Variants in TMEM40 observed in about 807,000 individuals in gnomAD.
TMEM40 encodes the protein transmembrane protein 40.
Under a neutral mutation model 40.8 loss-of-function variants are expected in TMEM40, and 34 were observed. The observed-to-expected ratio is 0.83, with a 90% CI of 0.63 to 1.11. The LOEUF (loss-of-function observed/expected upper bound fraction) is 1.11, where lower values mean the gene tolerates loss of function less well. Ranked by LOEUF, TMEM40 falls within the 50% of genes least tolerant of loss-of-function variation. The pLI, the probability that TMEM40 is intolerant of heterozygous loss-of-function variation, is 0.00. For missense variants in TMEM40, 296 were observed against 280.2 expected (o/e 1.06, Z -0.40); for synonymous variants, 106 against 107.0 (o/e 0.99, Z 0.06).
intron 1 of TMEM40, among the ~76,000 whole-genome samples, chr3:12,753,182 T>A (rs1455724536): frequency 6.6e-6 from 1 of 151,622 alleles, no homozygotes; most frequent in Non-Finnish European, 1.5e-5. Flanking sequence ...CATTTTTCTT[T>A]TTTGCCTTTT....
At chr3:12,736,529 G>T in intron 10 of TMEM40, 49 bp downstream of exon 10, 1 of 1,524,060 alleles carries the variant, frequency 6.6e-7, no homozygotes, top group South Asian at 1.2e-5. Flanking sequence ...TTCTACCCAC[G>T]ACCCCTCCAA....
At chr3:12,769,130 CCGGGACTGG>C (rs112818257) in intron 1 of TMEM40, 117,546 of 262,938 alleles carry the variant, frequency 0.45, 28,007 homozygotes, top group Non-Finnish European at 0.54. Context: ...CCCTCACTGC[CCGGGACTGG>C]CGGGGCCTCT....
At chr3:12,755,377 G>T (rs1175436250) in intron 1 of TMEM40, among the ~76,000 whole-genome samples, 1 of 151,566 alleles carries the variant, frequency 6.6e-6, no homozygotes, top group African/African-American at 2.4e-5. Flanking sequence ...TTGACCTTGA[G>T]CAATTCTCCT....
At position 12,752,134 on chromosome 3, in the gene TMEM40, G is replaced by T. The variant is rs571949480; in HGVS notation, c.-8-2294C>A. On this transcript the variant is annotated intron_variant, in intron 1 of 11. Transcript: ENST00000314124. The stretch of plus-strand genomic sequence containing the variant: ...GACAAGGTCTCTCTCTATCACCCAG[G>T]CTAAAGTGCAGTGGTGCAATCACAG... Among the ~76,000 whole-genome samples, 48 of 152,092 alleles carry T rather than the reference G, an allele frequency of 3.2e-4. No homozygotes were observed. The East Asian group carries it at 4.8e-3, about 15-fold the overall frequency.
upstream of TMEM40, among the ~76,000 whole-genome samples, chr3:12,763,035 C>G (rs2061579677): frequency 6.6e-6 from 1 of 150,978 alleles, no homozygotes; most frequent in Non-Finnish European, 1.5e-5. Flanking sequence ...TGGCGGGCTC[C>G]CGTAGTCCCA....
chr3:12,738,638 G>C, intron 5 of TMEM40, 50 bp from the exon 6 acceptor site: 1 of 1,591,490 alleles, frequency 6.3e-7, no homozygotes, highest in Non-Finnish European at 8.6e-7. Flanking sequence ...CTCTGGGGGG[G>C]GAGAAGTCAT....
Position 12,736,560 on chromosome 3 carries a change from G to C in TMEM40, c.619+18C>G. 1 of 1,551,884 alleles carries C rather than the reference G, an allele frequency of 6.4e-7. No homozygotes were observed. Among genetic ancestry groups the C allele is most frequent in the Non-Finnish European group, 8.7e-7 (1 of 1,146,862 alleles). On this transcript the variant is annotated intron_variant, in intron 10 of 11. Transcript: ENST00000314124. The stretch of plus-strand genomic sequence containing the variant: ...TCCAAGAGACTGTGTGTGTGTCCAT[G>C]CTGGGGGAGGGGCTTACCTAGTCCG...
upstream of TMEM40, among the ~76,000 whole-genome samples, chr3:12,762,145 A>G (rs2061571651): frequency 2.6e-5 from 4 of 151,780 alleles, no homozygotes; most frequent in Admixed American, 2.6e-4. Context: ...ACTTTTTAAA[A>G]TTTTGTGTAG....
At chr3:12,740,911 C>A (rs141528926) in intron 5 of TMEM40, among the ~76,000 whole-genome samples, 277 of 150,386 alleles carry the variant, frequency 1.8e-3, no homozygotes, top group African/African-American at 6.4e-3. Flanking sequence ...CCCCAAAAAA[C>A]CATTCTGTGA....
At chr3:12,749,071 C>G (rs1440270679) in intron 2 of TMEM40, among the ~76,000 whole-genome samples, 1 of 151,900 alleles carries the variant, frequency 6.6e-6, no homozygotes, top group African/African-American at 2.4e-5. Flanking sequence ...TTTGCCCAGG[C>G]TGGACTGCAG....
intron 10 of TMEM40, among the ~76,000 whole-genome samples, chr3:12,736,322 G>T (rs2061336912): frequency 6.6e-6 from 1 of 151,904 alleles, no homozygotes; most frequent in Admixed American, 6.6e-5. Context: ...CTAATTTTTT[G>T]TATTTTTAGT....
chr3:12,763,159 C>CAAA (rs536186442), upstream of TMEM40, among the ~76,000 whole-genome samples: 21 of 56,184 alleles, frequency 3.7e-4, no homozygotes, highest in South Asian at 1.7e-3. Context: ...GACTCTGTCT[C>CAAA]AAAAAAAAAA....
chr3:12,742,184 C>A (rs2061388734), intron 5 of TMEM40, among the ~76,000 whole-genome samples: 1 of 152,076 alleles, frequency 6.6e-6, no homozygotes, highest in Non-Finnish European at 1.5e-5. Flanking sequence ...GAGCCAAGAT[C>A]ACACCACTGC....
At chr3:12,768,919 G>GGGGTGGGGCGGGGCAGGGC (rs1559538126) in intron 1 of TMEM40, among the ~76,000 whole-genome samples, 1 of 85,684 alleles carries the variant, frequency 1.2e-5, no homozygotes, top group Non-Finnish European at 2.4e-5. Flanking sequence ...GGCCGGGGCC[G>GGGGTGGGGCGGGGCAGGGC]GGGCCGGGGC....
intron 11 of TMEM40, 25 bp downstream of exon 11, chr3:12,735,529 GA>G (rs1354256612): frequency 1.2e-6 from 2 of 1,608,916 alleles, no homozygotes; most frequent in Non-Finnish European, 1.7e-6. Flanking sequence ...GAAAATGAGT[GA>G]ACACAGGAAG....
At chr3:12,754,633 T>C (rs1470957464) in intron 1 of TMEM40, among the ~76,000 whole-genome samples, 2 of 152,122 alleles carry the variant, frequency 1.3e-5, no homozygotes, top group Admixed American at 6.5e-5. Flanking sequence ...CCATCCCCAA[T>C]CCTCCATCCT....
chr3:12,742,262 G>T (rs1429600506), intron 5 of TMEM40, among the ~76,000 whole-genome samples, 192 bp downstream of exon 5: 1 of 151,834 alleles, frequency 6.6e-6, no homozygotes, highest in Non-Finnish European at 1.5e-5. Context: ...AGAAAATGTA[G>T]GATTTCCCCA....
intron 1 of TMEM40, among the ~76,000 whole-genome samples, chr3:12,764,582 G>A (rs932251877): frequency 2.6e-5 from 4 of 152,338 alleles, no homozygotes; most frequent in Non-Finnish European, 5.9e-5. Flanking sequence ...AACAGTGGCC[G>A]TAGCTGATGC....
intron 3 of TMEM40, among the ~76,000 whole-genome samples, chr3:12,745,195 G>T (rs535678843): frequency 1.2e-3 from 176 of 149,704 alleles, no homozygotes; most frequent in Middle Eastern, 7.0e-3. Context: ...AAGTAGCTCA[G>T]ATTACAGGCG....
Sources: allele counts gnomAD v4.1 joint callset (sites outside exome capture counted in the v4.1 genomes callset), GRCh38; gene constraint gnomAD v4.1.1; transcripts MANE v1.5; gene names NCBI Gene and HGNC (gene_info 2026-07-23, HGNC 2026-07-21).